Variants in NRF1 observed in about 807,000 individuals in gnomAD.
NRF1 encodes the protein alpha palindromic-binding protein.
In NRF1, 5 loss-of-function variants were observed where a neutral mutation model predicts 58.5. The ratio of observed to expected loss-of-function variants is 0.09; its 90% CI spans 0.04 to 0.18. The LOEUF (loss-of-function observed/expected upper bound fraction) is 0.18. Among genes scored for constraint, NRF1 ranks in the 10% least tolerant of loss-of-function variants. The pLI, the probability that NRF1 is intolerant of heterozygous loss-of-function variation, is 1.00. For missense variants in NRF1, 288 were observed against 657.7 expected, an observed-to-expected ratio of 0.44 and a Z score of 6.15; for synonymous variants, 224 against 246.7, an observed-to-expected ratio of 0.91 and a Z score of 0.86.
intron 4 of NRF1, among the ~76,000 whole-genome samples, chr7:129,679,677 C>T (rs1554408304): frequency 6.7e-6 from 1 of 149,230 alleles, no homozygotes; most frequent in Non-Finnish European, 1.5e-5. Context: ...GAGCCAAGAT[C>T]GTGCCACTGC....
intron 10 of NRF1, 125 bp from the exon 11 acceptor site, chr7:129,754,893 G>A: frequency 1.2e-6 from 1 of 855,270 alleles, no homozygotes; most frequent in Non-Finnish European, 1.7e-6. Context: ...CTGGGCCATG[G>A]GTATGTGATC....
At chr7:129,654,177 G>T (rs1017424129) in intron 1 of NRF1, among the ~76,000 whole-genome samples, 1 of 152,198 alleles carries the variant, frequency 6.6e-6, no homozygotes, top group South Asian at 2.1e-4. Flanking sequence ...AAATAGATGC[G>T]TAGTGATATC....
chr7:129,739,541 T>A (rs1389743464), intron 10 of NRF1, among the ~76,000 whole-genome samples: 90 of 145,024 alleles, frequency 6.2e-4, no homozygotes, highest in East Asian at 3.6e-3. Context: ...GCTTTGCTTT[T>A]AAAAAAAAAA....
intron 1 of NRF1, among the ~76,000 whole-genome samples, chr7:129,647,186 T>G (rs1801426956): frequency 6.6e-6 from 1 of 151,708 alleles, no homozygotes; most frequent in African/African-American, 2.4e-5. Context: ...TACAGTCATG[T>G]GCCACCATGT....
At chr7:129,716,858 A>T (rs1025145899) in intron 8 of NRF1, among the ~76,000 whole-genome samples, 1 of 124,218 alleles carries the variant, frequency 8.1e-6, no homozygotes, top group Non-Finnish European at 1.8e-5. Context: ...CGACAGAGGG[A>T]GACTCCCTCT....
chr7:129,743,773 C>T (rs868391591), intron 10 of NRF1, among the ~76,000 whole-genome samples: 3 of 152,166 alleles, frequency 2.0e-5, no homozygotes, highest in East Asian at 1.9e-4. Context: ...TTTCTCTGAG[C>T]GAGCCAGTGT....
At chr7:129,728,071 A>G (rs1037642038) in intron 10 of NRF1, among the ~76,000 whole-genome samples, 8 of 152,216 alleles carry the variant, frequency 5.3e-5, no homozygotes, top group African/African-American at 1.9e-4. Flanking sequence ...TGGCAAGACA[A>G]GCTGCCCAAG....
At chr7:129,642,792 C>G (rs555029242) in intron 1 of NRF1, among the ~76,000 whole-genome samples, 73 of 138,922 alleles carry the variant, frequency 5.3e-4, no homozygotes, top group Non-Finnish European at 9.3e-4. Flanking sequence ...AGATAGGGTC[C>G]CATTGTTTTC....
intron 2 of NRF1, among the ~76,000 whole-genome samples, chr7:129,662,381 CTAGTGTGT>C (rs1296927383): frequency 8.8e-6 from 1 of 113,200 alleles, no homozygotes; most frequent in African/African-American, 3.9e-5. Context: ...TTTAGAATTT[CTAGTGTGT>C]GTGTGTGTGT....
At chr7:129,613,619 C>G (rs1483546653) in intron 1 of NRF1, among the ~76,000 whole-genome samples, 3 of 151,968 alleles carry the variant, frequency 2.0e-5, no homozygotes, top group African/African-American at 7.3e-5. Flanking sequence ...TCTTTACGGC[C>G]GGGTGCGGTG....
intron 10 of NRF1, among the ~76,000 whole-genome samples, chr7:129,748,954 A>G (rs1400624492): frequency 1.3e-5 from 2 of 152,216 alleles, no homozygotes; most frequent in African/African-American, 4.8e-5. Flanking sequence ...AGAGTGTGCA[A>G]GACTGTGACC....
intron 2 of NRF1, among the ~76,000 whole-genome samples, chr7:129,661,668 A>G (rs1374083258): frequency 6.6e-6 from 1 of 150,896 alleles, no homozygotes; most frequent in East Asian, 1.9e-4. Context: ...TATTGTCCAT[A>G]TCACTATCAG....
rs759626662 is a variant in NRF1 at position 129,616,162 on chromosome 7, G to A, written c.-7+4338G>A. Among the ~76,000 whole-genome samples, 3 of 152,254 alleles carry A rather than the reference G, an allele frequency of 2.0e-5. No individual in the cohort carries two copies. In the South Asian group the frequency reaches 6.2e-4, roughly 32 times the overall value. ...GTGTAGTTAGCAAAACATCCAAAAG[G>A]CTTCATCATGTTGTGGTCTTTAGGC... On this transcript the variant is annotated intron_variant, in intron 1 of 10. Transcript: ENST00000393232.
intron 8 of NRF1, among the ~76,000 whole-genome samples, chr7:129,715,112 A>G (rs577019790): frequency 6.6e-6 from 1 of 152,350 alleles, no homozygotes; most frequent in East Asian, 1.9e-4. Context: ...GACTGAAGTA[A>G]CTAGATACAG....
chr7:129,648,680 A>G (rs375149828), intron 1 of NRF1, among the ~76,000 whole-genome samples: 5 of 152,090 alleles, frequency 3.3e-5, no homozygotes, highest in East Asian at 1.9e-4. Context: ...ATCTCCTGCT[A>G]ATAATGTCTC....
chr7:129,619,736 G>T (rs199891601), intron 1 of NRF1, among the ~76,000 whole-genome samples: 92 of 125,598 alleles, frequency 7.3e-4, no homozygotes, highest in Middle Eastern at 4.2e-3. Context: ...TGTTTGGGTT[G>T]TTTTTTTTTT....
Position 129,731,550 on chromosome 7 carries a change from T to C in NRF1, c.1348+4185T>C, listed in dbSNP as rs535707805. 7.6e-4 allele frequency among the ~76,000 whole-genome samples: 115 copies of C among 152,294 alleles called. 2 individuals are homozygous for C. The South Asian group carries it at 0.021, about 28-fold the overall frequency. Reference sequence around the variant, plus strand: ...AAAGATTTTCACAGATGCCTTTTCATTTAGATGTAGGTAGAATTGCCTAAG... The same window carrying C: ...AAAGATTTTCACAGATGCCTTTTCACTTAGATGTAGGTAGAATTGCCTAAG... On this transcript the variant is annotated intron_variant, in intron 10 of 10. Coordinates refer to ENST00000393232, the MANE Select transcript of NRF1 (RefSeq NM_005011.5).
intron 5 of NRF1, among the ~76,000 whole-genome samples, chr7:129,694,701 T>C (rs1256077993): frequency 6.6e-6 from 1 of 152,252 alleles, no homozygotes; most frequent in Non-Finnish European, 1.5e-5. Flanking sequence ...CCTAAAGACT[T>C]TCACTATTAA....
intron 1 of NRF1, among the ~76,000 whole-genome samples, chr7:129,612,696 C>G (rs934435291): frequency 6.6e-6 from 1 of 152,186 alleles, no homozygotes; most frequent in African/African-American, 2.4e-5. Flanking sequence ...ACTGGAAAGA[C>G]AGGGGCTCTG....
Sources: allele counts gnomAD v4.1 joint callset (sites outside exome capture counted in the v4.1 genomes callset), GRCh38; gene constraint gnomAD v4.1.1; transcripts MANE v1.5; gene names NCBI Gene and HGNC (gene_info 2026-07-23, HGNC 2026-07-21).